The following SLC24A2 variants were observed in gnomAD, a reference collection of about 807,000 sequenced individuals.
SLC24A2 encodes the protein sodium/potassium/calcium exchanger 2.
In SLC24A2, 36 loss-of-function variants were observed where a neutral mutation model predicts 62.0. The observed-to-expected ratio is 0.58, with a 90% CI of 0.44 to 0.77. SLC24A2 has a LOEUF of 0.77. SLC24A2 is among the 30% of genes least tolerant of loss of function. SLC24A2 has a pLI of 0.00. For synonymous variants in SLC24A2, 358 were observed against 294.0 expected (o/e 1.22, Z -2.23); for missense variants, 846 against 817.9 (o/e 1.03, Z -0.42).
At chr9:19,783,863 G>T (rs185010030) in intron 2 of SLC24A2, among the ~76,000 whole-genome samples, 2,903 of 152,220 alleles carry the variant, frequency 0.019, 88 homozygotes, top group African/African-American at 0.067. Flanking sequence ...AATGTCAAAA[G>T]AAACATTAAT....
the SLC24A2 span, among the ~76,000 whole-genome samples, chr9:20,287,374 A>G: frequency 1.3e-5 from 2 of 152,124 alleles, no homozygotes; most frequent in African/African-American, 4.8e-5. Context: ...TAGCAGCCCA[A>G]TGGCCAGAGG....
At chr9:20,229,949 G>A in the SLC24A2 span, among the ~76,000 whole-genome samples, 14 of 137,684 alleles carry the variant, frequency 1.0e-4, no homozygotes. Flanking sequence ...TGTTCTCATT[G>A]TTCAATTCGC....
intron 2 of SLC24A2, among the ~76,000 whole-genome samples, chr9:19,690,277 G>A (rs147536580): frequency 5.9e-5 from 9 of 152,106 alleles, no homozygotes; most frequent in African/African-American, 2.2e-4. Flanking sequence ...CTCCTACTGT[G>A]GGTCCGTTTG....
At chr9:19,882,867 T>C in the SLC24A2 span, among the ~76,000 whole-genome samples, 138,811 of 152,208 alleles carry the variant, frequency 0.91, 63,514 homozygotes, top group East Asian at 1. Flanking sequence ...GTGAAAAGGC[T>C]ACTCCACCAA....
At chr9:20,043,393 A>G in the SLC24A2 span, among the ~76,000 whole-genome samples, 1 of 152,212 alleles carries the variant, frequency 6.6e-6, no homozygotes, top group Admixed American at 6.5e-5. Flanking sequence ...CATTATTTAG[A>G]AAGTACATTT....
At chr9:19,917,429 A>G in the SLC24A2 span, among the ~76,000 whole-genome samples, 1 of 151,170 alleles carries the variant, frequency 6.6e-6, no homozygotes, top group African/African-American at 2.4e-5. Context: ...AAATTTTTGA[A>G]AAATCTCACT....
chr9:19,700,459 G>A (rs1461629372), intron 2 of SLC24A2, among the ~76,000 whole-genome samples: 2 of 152,162 alleles, frequency 1.3e-5, no homozygotes, highest in East Asian at 1.9e-4. Flanking sequence ...TGTTAAAAAT[G>A]TATGGATTCT....
the SLC24A2 span, among the ~76,000 whole-genome samples, chr9:20,121,264 G>A: frequency 1.3e-5 from 2 of 151,660 alleles, no homozygotes; most frequent in African/African-American, 4.8e-5. Flanking sequence ...TTGTATAGCT[G>A]TCATTTACCT....
chr9:20,168,126 C>T, the SLC24A2 span, among the ~76,000 whole-genome samples: 1 of 151,932 alleles, frequency 6.6e-6, no homozygotes, highest in East Asian at 1.9e-4. Flanking sequence ...TATCAATCTA[C>T]ATGTCTACCA....
At chr9:19,919,845 C>T in the SLC24A2 span, among the ~76,000 whole-genome samples, 2 of 152,144 alleles carry the variant, frequency 1.3e-5, no homozygotes. Context: ...ATGCAGGTAA[C>T]CGCCCCCATG....
At chr9:20,060,803 C>T in the SLC24A2 span, among the ~76,000 whole-genome samples, 5 of 152,140 alleles carry the variant, frequency 3.3e-5, no homozygotes, top group Admixed American at 6.6e-5. Context: ...GGAACACACA[C>T]ACACAATGTG....
intron 2 of SLC24A2, among the ~76,000 whole-genome samples, chr9:19,638,665 A>G (rs955683827): frequency 6.6e-6 from 1 of 152,184 alleles, no homozygotes; most frequent in Non-Finnish European, 1.5e-5. Context: ...GACTCTACCA[A>G]TGACTAGTTC....
intron 7 of SLC24A2, among the ~76,000 whole-genome samples, chr9:19,563,752 T>A (rs1835517174): frequency 8.4e-6 from 1 of 118,454 alleles, no homozygotes. Flanking sequence ...ATAATGACCC[T>A]TCCTTCCTTT....
chr9:19,855,219 C>A, the SLC24A2 span, among the ~76,000 whole-genome samples: 1 of 152,276 alleles, frequency 6.6e-6, no homozygotes, highest in Non-Finnish European at 1.5e-5. Context: ...ATACAGCGCA[C>A]TGATGGGTCT....
chr9:19,882,063 A>G, the SLC24A2 span, among the ~76,000 whole-genome samples: 4 of 152,226 alleles, frequency 2.6e-5, no homozygotes, highest in Admixed American at 6.5e-5. Flanking sequence ...AAACACCACC[A>G]TATTAATCTG....
At chr9:19,557,813 TC>T (rs1835171272) in intron 7 of SLC24A2, among the ~76,000 whole-genome samples, 1 of 148,680 alleles carries the variant, frequency 6.7e-6, no homozygotes, top group African/African-American at 2.6e-5. Context: ...GGCTCACATT[TC>T]TTTTTTTTTT....
At chr9:20,203,684 GA>G in the SLC24A2 span, among the ~76,000 whole-genome samples, 136 of 137,890 alleles carry the variant, frequency 9.9e-4, no homozygotes, top group Admixed American at 2.4e-3. Flanking sequence ...TCTCTTAAAA[GA>G]AAAAAAAAAA....
At chr9:20,036,132 C>A in the SLC24A2 span, among the ~76,000 whole-genome samples, 3 of 152,156 alleles carry the variant, frequency 2.0e-5, no homozygotes, top group Non-Finnish European at 4.4e-5. Flanking sequence ...AAGAGCTCTC[C>A]ATACTACCTC....
chr9:19,794,988 G>C, the SLC24A2 span, among the ~76,000 whole-genome samples: 9 of 152,190 alleles, frequency 5.9e-5, no homozygotes, highest in African/African-American at 2.2e-4. Flanking sequence ...CTGGAAAAGA[G>C]GAGCCATGTG....
Sources: gnomAD v4.1 joint callset for allele counts (sites outside exome capture counted in the v4.1 genomes callset) on GRCh38, gnomAD v4.1.1 for gene constraint, MANE v1.5 for transcripts, NCBI Gene and HGNC (gene_info 2026-07-23, HGNC 2026-07-21) for gene names.